Variants in WDPCP observed in about 807,000 individuals in gnomAD.
WDPCP encodes WD repeat containing planar cell polarity effector, also known as WD repeat-containing and planar cell polarity effector protein fritz homolog.
A neutral mutation model predicts 93.1 loss-of-function variants in WDPCP; 71 were observed. The ratio of observed to expected loss-of-function variants is 0.76; its 90% CI spans 0.63 to 0.93. The LOEUF (loss-of-function observed/expected upper bound fraction) is 0.93. Ranked by LOEUF, WDPCP falls within the 40% of genes least tolerant of loss-of-function variation. The pLI, the probability that WDPCP is intolerant of heterozygous loss-of-function variation, is 0.00. For missense variants in WDPCP, 844 were observed against 887.4 expected, an observed-to-expected ratio of 0.95 and a Z score of 0.62; for synonymous variants, 315 against 315.0, an observed-to-expected ratio of 1.00 and a Z score of 0.00.
At chr2:63,225,399 A>AT (rs1678203507) in intron 14 of WDPCP, among the ~76,000 whole-genome samples, 1 of 151,848 alleles carries the variant, frequency 6.6e-6, no homozygotes, top group Non-Finnish European at 1.5e-5. Flanking sequence ...AAGGATGGGG[A>AT]TGTAAGAGAA....
intron 2 of WDPCP, among the ~76,000 whole-genome samples, chr2:63,809,353 C>T (rs537234157): frequency 6.6e-5 from 10 of 151,196 alleles, no homozygotes; most frequent in Non-Finnish European, 1.5e-4. Flanking sequence ...TCTGCCCAGC[C>T]GCCCCTACTG....
intron 10 of WDPCP, among the ~76,000 whole-genome samples, chr2:63,384,800 A>T (rs1192693894): frequency 6.6e-6 from 1 of 152,034 alleles, no homozygotes; most frequent in Non-Finnish European, 1.5e-5. Flanking sequence ...TCAAATTATA[A>T]GAGAGAATAC....
chr2:63,704,966 C>G (rs904683043), intron 2 of WDPCP, among the ~76,000 whole-genome samples: 2 of 152,174 alleles, frequency 1.3e-5, no homozygotes, highest in African/African-American at 4.8e-5. Context: ...ATTATTGCCT[C>G]AATTTCAGAG....
upstream of WDPCP, among the ~76,000 whole-genome samples, chr2:63,592,123 G>A (rs929993318): frequency 1.3e-5 from 2 of 152,120 alleles, no homozygotes; most frequent in African/African-American, 4.8e-5. Flanking sequence ...TTCACCAATG[G>A]ATTCCCTGGC....
rs1669561063 is a variant in WDPCP, at chr2:63,121,756, CTT to C, written c.*248_*249del. 3.1e-6 allele frequency: 3 copies of C among 958,282 alleles called. No homozygotes were observed. Among genetic ancestry groups the C allele is most frequent in the Non-Finnish European group, 4.3e-6 (3 of 701,318 alleles). 59.4% of individuals were successfully genotyped at this position (958,282 alleles called of 1,614,324 possible). On this transcript the variant is annotated 3_prime_UTR_variant, in exon 18 of 18. Transcript: ENST00000272321. ...CCTAATTAACATACAATTTAAGACA[CTT>C]TCAAAATTTTACATTATTGAAAATA...
chr2:63,473,327 A>G (rs1699794304), intron 6 of WDPCP, among the ~76,000 whole-genome samples: 1 of 152,118 alleles, frequency 6.6e-6, no homozygotes, highest in South Asian at 2.1e-4. Flanking sequence ...TACAGACTCA[A>G]TTAATCACCT....
intron 12 of WDPCP, among the ~76,000 whole-genome samples, chr2:63,317,805 A>G (rs779325567): frequency 1.3e-5 from 2 of 152,208 alleles, no homozygotes; most frequent in African/African-American, 4.8e-5. Context: ...CCAAAACTAT[A>G]AAAACCTTAG....
chr2:63,553,789 A>C (rs972918942), intron 1 of WDPCP, among the ~76,000 whole-genome samples: 7 of 152,202 alleles, frequency 4.6e-5, no homozygotes, highest in African/African-American at 1.4e-4. Flanking sequence ...TTTTTAAAAA[A>C]AACTCCTCTA....
At chr2:63,470,613 T>C (rs1019868248) in intron 6 of WDPCP, among the ~76,000 whole-genome samples, 4 of 152,174 alleles carry the variant, frequency 2.6e-5, no homozygotes, top group African/African-American at 9.7e-5. Context: ...TTCTAACTCA[T>C]CTTTTTCACT....
intron 2 of WDPCP, among the ~76,000 whole-genome samples, chr2:63,687,041 A>G (rs1161094473): frequency 6.6e-6 from 1 of 152,242 alleles, no homozygotes; most frequent in African/African-American, 2.4e-5. Context: ...TGGACCACAC[A>G]TAAAATACAC....
intron 14 of WDPCP, among the ~76,000 whole-genome samples, chr2:63,225,339 TTAAG>T (rs974156510): frequency 3.3e-4 from 50 of 151,810 alleles, no homozygotes; most frequent in African/African-American, 1.1e-3. Flanking sequence ...AAAATACAAA[TTAAG>T]TAAAATGGTA....
intron 2 of WDPCP, among the ~76,000 whole-genome samples, chr2:63,671,886 G>A (rs1710352402): frequency 6.6e-6 from 1 of 152,124 alleles, no homozygotes; most frequent in South Asian, 2.1e-4. Context: ...TGAGTGTGAT[G>A]TAAACACTTC....
intron 3 of WDPCP, among the ~76,000 whole-genome samples, chr2:63,619,398 C>T (rs1274535850): frequency 6.6e-6 from 1 of 152,348 alleles, no homozygotes; most frequent in African/African-American, 2.4e-5. Context: ...TTATCATCTA[C>T]TCTATAAAGC....
intron 15 of WDPCP, among the ~76,000 whole-genome samples, chr2:63,161,769 T>C (rs961000225): frequency 3.7e-4 from 54 of 147,336 alleles, no homozygotes; most frequent in African/African-American, 1.2e-3. Flanking sequence ...ATTTTTTTCT[T>C]TTTTTTTTTT....
chr2:63,294,727 C>T (rs1684715060), intron 13 of WDPCP, among the ~76,000 whole-genome samples: 1 of 151,402 alleles, frequency 6.6e-6, no homozygotes, highest in Non-Finnish European at 1.5e-5. Flanking sequence ...TACTCAAAGC[C>T]ATACAAAGAA....
At chr2:63,418,356 A>G (rs945049575) in intron 9 of WDPCP, among the ~76,000 whole-genome samples, 5 of 152,236 alleles carry the variant, frequency 3.3e-5, no homozygotes, top group African/African-American at 1.2e-4. Flanking sequence ...CTAAATGACA[A>G]CGATCTGAAC....
intron 2 of WDPCP, among the ~76,000 whole-genome samples, chr2:63,808,687 C>G (rs900491159): frequency 6.6e-6 from 1 of 152,186 alleles, no homozygotes; most frequent in African/African-American, 2.4e-5. Context: ...GATCTCGGCT[C>G]GCTACAACCT....
Position 63,174,836 on chromosome 2 carries a change from T to A in WDPCP, c.1916-4A>T. On this transcript the variant is annotated splice_polypyrimidine_tract_variant and splice_region_variant and intron_variant, in intron 14 of 17. Transcript: ENST00000272321. ...CTGTCCAAGGGTCCCAGGAGTTCTG[T>A]TGAAAATGATTAATATGTGAGTGAA... The A allele has an allele frequency of 6.2e-7, 1 of 1,613,466 alleles. No homozygotes were observed. Among genetic ancestry groups the A allele is most frequent in the East Asian group, 2.2e-5 (1 of 44,836 alleles).
At chr2:63,313,643 T>C (rs1023821905) in intron 12 of WDPCP, among the ~76,000 whole-genome samples, 3 of 152,012 alleles carry the variant, frequency 2.0e-5, no homozygotes, top group African/African-American at 7.3e-5. Flanking sequence ...CTCTCAGCTA[T>C]AGAAATCAAA....
Sources: gnomAD v4.1 joint callset for allele counts (sites outside exome capture counted in the v4.1 genomes callset) on GRCh38, gnomAD v4.1.1 for gene constraint, MANE v1.5 for transcripts, NCBI Gene and HGNC (gene_info 2026-07-23, HGNC 2026-07-21) for gene names.